The following SNX29 variants were observed in gnomAD, a reference collection of about 807,000 sequenced individuals.
SNX29 encodes the protein sorting nexin 29.
A neutral mutation model predicts 102.1 loss-of-function variants in SNX29; 78 were observed. The ratio of observed to expected loss-of-function variants is 0.76; its 90% confidence interval spans 0.64 to 0.92. The LOEUF (loss-of-function observed/expected upper bound fraction) is 0.92. SNX29 is among the 40% of genes least tolerant of loss of function. The probability of loss-of-function intolerance (pLI) is 0.00; values close to 1 mark genes in which losing one functional copy is unlikely to be tolerated. For synonymous variants in SNX29, 580 were observed against 414.5 expected, an observed-to-expected ratio of 1.40 and a Z score of -4.85; for missense variants, 1,280 against 1,061.7, an observed-to-expected ratio of 1.21 and a Z score of -2.86.
At chr16:12,200,683 C>T (rs2076892113) in intron 14 of SNX29, among the ~76,000 whole-genome samples, 1 of 152,136 alleles carries the variant, frequency 6.6e-6, no homozygotes, top group African/African-American at 2.4e-5. Flanking sequence ...GGGGATTTCA[C>T]CATGTTGGCC....
intron 14 of SNX29, among the ~76,000 whole-genome samples, chr16:12,236,690 G>T (rs1567342801): frequency 6.6e-6 from 1 of 152,206 alleles, no homozygotes; most frequent in Non-Finnish European, 1.5e-5. Flanking sequence ...GACTCCCTAT[G>T]TGCCAGGTAC....
At chr16:12,302,123 G>A (rs569210851) in intron 15 of SNX29, among the ~76,000 whole-genome samples, 26 of 152,324 alleles carry the variant, frequency 1.7e-4, no homozygotes, top group African/African-American at 6.0e-4. Flanking sequence ...CTAAGACAGA[G>A]ATGGGAAAAC....
intron 13 of SNX29, among the ~76,000 whole-genome samples, chr16:12,176,678 G>A (rs2076267980): frequency 6.6e-6 from 1 of 152,164 alleles, no homozygotes; most frequent in Non-Finnish European, 1.5e-5. Flanking sequence ...AGGGACTTGA[G>A]CACCCTTGGA....
chr16:12,409,346 C>A (rs571855724), intron 18 of SNX29, among the ~76,000 whole-genome samples: 58 of 150,844 alleles, frequency 3.8e-4, no homozygotes, highest in African/African-American at 1.2e-3. Context: ...TAATTAATTT[C>A]TAGTTTATAC....
chr16:12,238,076 C>T (rs1183432586), intron 14 of SNX29, among the ~76,000 whole-genome samples: 2 of 152,102 alleles, frequency 1.3e-5, no homozygotes, highest in African/African-American at 4.8e-5. Flanking sequence ...ACCTACAAGC[C>T]AGAGAAGGGA....
At chr16:12,334,081 G>C (rs372961992) in intron 15 of SNX29, among the ~76,000 whole-genome samples, 5 of 152,218 alleles carry the variant, frequency 3.3e-5, no homozygotes, top group African/African-American at 1.2e-4. Context: ...ATCCCTTTCA[G>C]CTAGACGTAG....
intron 14 of SNX29, among the ~76,000 whole-genome samples, chr16:12,237,211 C>A (rs1472261484): frequency 1.3e-5 from 2 of 152,176 alleles, no homozygotes; most frequent in African/African-American, 4.8e-5. Context: ...TCCTCACCCC[C>A]ACCAGCATAA....
At chr16:12,243,365 T>C (rs2271269) in intron 14 of SNX29, among the ~76,000 whole-genome samples, 11,541 of 152,282 alleles carry the variant, frequency 0.076, 1,288 homozygotes, top group African/African-American at 0.24. Flanking sequence ...TTTGTTCTGC[T>C]GCCCTGCCAT....
chr16:12,562,367 C>A (rs902782485), intron 20 of SNX29, among the ~76,000 whole-genome samples: 3 of 143,982 alleles, frequency 2.1e-5, no homozygotes, highest in Non-Finnish European at 3.0e-5. Flanking sequence ...TTTGCTTGCA[C>A]CATTTTTTAA....
chr16:12,527,859 C>T (rs1402990350), intron 20 of SNX29, among the ~76,000 whole-genome samples: 6 of 146,158 alleles, frequency 4.1e-5, no homozygotes, highest in Non-Finnish European at 8.9e-5. Flanking sequence ...AAGTCTCGCT[C>T]TGTCGGCCAA....
intron 19 of SNX29, among the ~76,000 whole-genome samples, chr16:12,511,256 GA>G (rs1382495124): frequency 1.3e-5 from 2 of 152,188 alleles, no homozygotes; most frequent in Non-Finnish European, 2.9e-5. Flanking sequence ...TAAGAGGCAG[GA>G]CAGCCTCATA....
intron 18 of SNX29, among the ~76,000 whole-genome samples, chr16:12,468,342 T>C (rs957130920): frequency 6.6e-5 from 10 of 151,924 alleles, no homozygotes; most frequent in African/African-American, 2.2e-4. Flanking sequence ...GCCCCGCTAA[T>C]TTTTGTATTA....
intron 14 of SNX29, among the ~76,000 whole-genome samples, chr16:12,219,704 G>A (rs2077424053): frequency 6.6e-6 from 1 of 152,114 alleles, no homozygotes; most frequent in South Asian, 2.1e-4. Flanking sequence ...TTTTCTAATT[G>A]CAAAGTGACG....
intron 15 of SNX29, among the ~76,000 whole-genome samples, chr16:12,351,710 G>GA (rs2081996394): frequency 6.6e-6 from 1 of 151,934 alleles, no homozygotes; most frequent in African/African-American, 2.4e-5. Flanking sequence ...ACTCCAGCTG[G>GA]AAGGAATTAC....
intron 13 of SNX29, among the ~76,000 whole-genome samples, chr16:12,192,514 T>A (rs1045366987): frequency 1.3e-4 from 20 of 152,054 alleles, no homozygotes; most frequent in African/African-American, 4.6e-4. Context: ...CCTTTTTAAT[T>A]TATTTTTTTG....
chr16:12,549,183 G>T lies in SNX29; in HGVS notation c.2319-19323G>T, dbSNP rs986026363. On this transcript the variant is annotated intron_variant, in intron 20 of 20. Coordinates refer to ENST00000566228, the MANE Select transcript of SNX29 (RefSeq NM_032167.5). The stretch of plus-strand genomic sequence containing the variant: ...ATTTGCTGTTCATGGAGTGTCTGCA[G>T]GGGCTAGGCACCCCTCACGATGCTT... 3.9e-5 allele frequency among the ~76,000 whole-genome samples: 6 copies of T among 152,180 alleles called. No individual in the cohort carries two copies. In the East Asian group the frequency reaches 1.2e-3, roughly 29 times the overall value.
At chr16:12,387,135 T>TA (rs778794712) in intron 16 of SNX29, among the ~76,000 whole-genome samples, 107 of 130,994 alleles carry the variant, frequency 8.2e-4, no homozygotes, top group African/African-American at 2.3e-3. Flanking sequence ...ATTAAAAAAA[T>TA]AAAAAAAAAA....
chr16:12,547,519 GAGAA>G (rs2077683530), intron 20 of SNX29, among the ~76,000 whole-genome samples: 1 of 151,194 alleles, frequency 6.6e-6, no homozygotes, highest in Non-Finnish European at 1.5e-5. Flanking sequence ...GTGGGTGTGA[GAGAA>G]AGAGGAACTG....
chr16:12,209,316 G>T (rs776797190), intron 14 of SNX29, among the ~76,000 whole-genome samples: 4 of 152,264 alleles, frequency 2.6e-5, no homozygotes, highest in East Asian at 1.9e-4. Flanking sequence ...TAGCCTCCCA[G>T]ATAGCTGGGA....
Sources: gnomAD v4.1 joint callset for allele counts (sites outside exome capture counted in the v4.1 genomes callset) on GRCh38, gnomAD v4.1.1 for gene constraint, MANE v1.5 for transcripts, NCBI Gene and HGNC (gene_info 2026-07-23, HGNC 2026-07-21) for gene names.